The following MCM8 variants were observed in gnomAD, a reference collection of about 807,000 sequenced individuals.
MCM8 encodes minichromosome maintenance 8 homologous recombination repair factor, also known as DNA helicase MCM8.
In MCM8, 85 loss-of-function variants were observed where a neutral mutation model predicts 98.9. The observed-to-expected ratio is 0.86, with a 90% CI of 0.72 to 1.03. The LOEUF is 1.03. MCM8 is among the 50% of genes least tolerant of loss of function. MCM8 has a pLI of 0.00. For synonymous variants in MCM8, 352 were observed against 338.6 expected (o/e 1.04, Z -0.44); for missense variants, 951 against 997.8 (o/e 0.95, Z 0.63).
chr20:5,975,771 C>T (rs553929505), intron 12 of MCM8, among the ~76,000 whole-genome samples: 1 of 151,256 alleles, frequency 6.6e-6, no homozygotes, highest in African/African-American at 2.4e-5. Flanking sequence ...GCTGGGATTA[C>T]AGGCATGAGC....
rs58487183 is a variant in MCM8, at chr20:5,955,229, G to A, written c.464G>A (p.Cys155Tyr). The change falls in exon 5 of 19, where the codon TGC (cysteine) becomes TAC (tyrosine). Residue 155 changes from cysteine to tyrosine, a missense_variant. Physicochemically the swap from Cys to Tyr is radical, Grantham distance 194 (BLOSUM62 -2). Coordinates refer to ENST00000610722, the MANE Select transcript of MCM8 (RefSeq NM_032485.6). The part of the protein sequence containing the change: ...LRDAPEKTLA[C>Y]MGLAIHQVLT... ...GATGCACCTGAGAAAACCTTGGCTT[G>A]CATGGGTTTGGCAATACATCAGGTA... is the stretch of plus-strand genomic sequence containing the variant. 5,047 of 1,612,980 alleles carry A rather than the reference G, an allele frequency of 3.1e-3. 69 individuals carry two copies. The African/African-American group carries it at 0.034, about 11-fold the overall frequency.
intron 10 of MCM8, among the ~76,000 whole-genome samples, chr20:5,969,363 G>A (rs1306039350): frequency 1.3e-5 from 2 of 152,054 alleles, no homozygotes; most frequent in African/African-American, 2.4e-5. Flanking sequence ...AGGCCGAGGC[G>A]GGTGGATCAC....
intron 3 of MCM8, 37 bp from the exon 4 acceptor site, chr20:5,954,571 G>A (rs748533107): frequency 7.5e-6 from 9 of 1,192,270 alleles, no homozygotes; most frequent in Admixed American, 3.4e-5. Context: ...ATGTACCTGT[G>A]TGATTATTTG....
In MCM8 at chr20:5,986,147, T is replaced by A; in HGVS notation, c.2163+16T>A. On this transcript the variant is annotated intron_variant, in intron 16 of 18. Transcript: ENST00000610722. ...TCTGACAGAGGTTTGTTTCTTTTTA[T>A]GGTCATGCTTTTTTTGGCTTAAAGG... 1 of 1,613,040 alleles carries A rather than the reference T, an allele frequency of 6.2e-7. No individual in the cohort carries two copies. The highest frequency in any genetic ancestry group is 8.5e-7 in the Non-Finnish European group (1 of 1,179,186).
chr20:5,990,776 A>T lies in MCM8; in HGVS notation c.2241-2730A>T, dbSNP rs182478649. On this transcript the variant is annotated intron_variant, in intron 17 of 18. Transcript: ENST00000610722. Reference sequence around the variant, plus strand: ...TTTTAATTTTAACTTTTTTTCCTATAAAAAAAACAAAGACCAAAAATAGGC... The same window carrying T: ...TTTTAATTTTAACTTTTTTTCCTATTAAAAAAACAAAGACCAAAAATAGGC... Among the ~76,000 whole-genome samples, 236 of 152,090 alleles carry T rather than the reference A, an allele frequency of 1.6e-3. 2 individuals are homozygous for T. The highest frequency in any genetic ancestry group is 5.5e-3 in the African/African-American group (227 of 41,482).
At position 5,952,168 on chromosome 20, in the gene MCM8, G is replaced by T; in HGVS notation, c.148+5G>T. Reference sequence around the variant, plus strand: ...CCACAGGAAAACGTACTTCTGGTAGGTGAGGTCAATGATTGTTCAATTTTT... The same window carrying T: ...CCACAGGAAAACGTACTTCTGGTAGTTGAGGTCAATGATTGTTCAATTTTT... On this transcript the variant is annotated splice_donor_5th_base_variant and intron_variant, in intron 2 of 18. Coordinates refer to ENST00000610722, the MANE Select transcript of MCM8 (RefSeq NM_032485.6). 1.2e-6 allele frequency: 2 copies of T among 1,612,862 alleles called. No individual in the cohort carries two copies. The highest frequency in any genetic ancestry group is 1.7e-6 in the Non-Finnish European group (2 of 1,179,820).
chr20:5,998,889 C>T lies in MCM8; in HGVS notation c.*4498C>T, dbSNP rs1173151783. The T allele has an allele frequency of 2.0e-5, 3 of 152,096 alleles. No homozygotes were observed. Among genetic ancestry groups the T allele is most frequent in the East Asian group, 1.9e-4 (1 of 5,186 alleles). The allele number at this position is 152,096 out of a possible 1,614,324, so 9.4% of individuals were successfully genotyped here. A position where few individuals can be genotyped will look rare whatever the true frequency, so the allele number is the denominator to read the frequency against. Reference sequence around the variant, plus strand: ...GGCTTGGGAATGGAAAGGCAGAGTGCACCTATTGAATTCCATCATCAGTTT... The same window carrying T: ...GGCTTGGGAATGGAAAGGCAGAGTGTACCTATTGAATTCCATCATCAGTTT... On this transcript the variant is annotated 3_prime_UTR_variant, in exon 19 of 19. Coordinates refer to ENST00000610722, the MANE Select transcript of MCM8 (RefSeq NM_032485.6).
intron 7 of MCM8, 109 bp from the exon 8 acceptor site, chr20:5,963,165 T>C: frequency 1.2e-6 from 1 of 815,180 alleles, no homozygotes; most frequent in Non-Finnish European, 2.0e-6. Flanking sequence ...ACTAGCATCC[T>C]GAGACCAACT....
intron 13 of MCM8, among the ~76,000 whole-genome samples, chr20:5,982,266 C>T (rs1177562501): frequency 6.6e-6 from 1 of 152,166 alleles, no homozygotes; most frequent in African/African-American, 2.4e-5. Context: ...TTTCCATATA[C>T]TCCTCTGTGC....
intron 7 of MCM8, among the ~76,000 whole-genome samples, chr20:5,959,246 A>G (rs1330570027): frequency 6.6e-6 from 1 of 152,242 alleles, no homozygotes; most frequent in Non-Finnish European, 1.5e-5. Flanking sequence ...GGCAAATATT[A>G]ATATTATTTT....
chr20:5,969,177 A>T (rs893318715), intron 10 of MCM8, among the ~76,000 whole-genome samples: 1 of 152,202 alleles, frequency 6.6e-6, no homozygotes, highest in African/African-American at 2.4e-5. Flanking sequence ...GTTACTTTTG[A>T]TAATTTTTTG....
At chr20:5,958,884 A>G (rs2089060034) in intron 7 of MCM8, among the ~76,000 whole-genome samples, 158 bp downstream of exon 7, 3 of 152,226 alleles carry the variant, frequency 2.0e-5, no homozygotes, top group Admixed American at 2.0e-4. Context: ...GGTAAGAAAA[A>G]TACAGAAATA....
chr20:5,952,582 C>G (rs1299509086), intron 3 of MCM8, 54 bp downstream of exon 3: 1 of 1,399,100 alleles, frequency 7.1e-7, no homozygotes, highest in African/African-American at 1.4e-5. Flanking sequence ...CTTAACTTGT[C>G]TTTGGATGCT....
At chr20:5,984,592 T>A (rs1428779866) in intron 14 of MCM8, among the ~76,000 whole-genome samples, 189 bp from the exon 15 acceptor site, 1 of 152,212 alleles carries the variant, frequency 6.6e-6, no homozygotes, top group African/African-American at 2.4e-5. Context: ...TAGATACATG[T>A]AATTCTTGTG....
chr20:5,980,658 G>A (rs1398957312), intron 13 of MCM8, among the ~76,000 whole-genome samples: 1 of 152,090 alleles, frequency 6.6e-6, no homozygotes, highest in Non-Finnish European at 1.5e-5. Flanking sequence ...GAGCACTTGA[G>A]ACCAGGAGTT....
intron 12 of MCM8, among the ~76,000 whole-genome samples, chr20:5,976,916 C>T (rs2089522863): frequency 6.6e-6 from 1 of 152,160 alleles, no homozygotes; most frequent in Non-Finnish European, 1.5e-5. Flanking sequence ...TGTGCCACTG[C>T]ACTCCAGCCT....
intron 16 of MCM8, 149 bp downstream of exon 16, chr20:5,986,280 G>T (rs1473370286): frequency 1.5e-6 from 1 of 687,668 alleles, no homozygotes; most frequent in Admixed American, 2.9e-5. Context: ...TTTTTTAAAA[G>T]ATTTTGTCAT....
intron 12 of MCM8, 77 bp downstream of exon 12, chr20:5,973,273 G>C: frequency 6.4e-7 from 1 of 1,573,648 alleles, no homozygotes; most frequent in Non-Finnish European, 8.7e-7. Context: ...TTTTCTCAAA[G>C]CATGTAGTGT....
chr20:5,992,596 T>A (rs944661850), intron 17 of MCM8, among the ~76,000 whole-genome samples: 1 of 152,194 alleles, frequency 6.6e-6, no homozygotes. Context: ...TTTTATCATT[T>A]TTAATAGTTT....
Sources: allele counts gnomAD v4.1 joint callset (sites outside exome capture counted in the v4.1 genomes callset), GRCh38; gene constraint gnomAD v4.1.1; transcripts MANE v1.5; gene names NCBI Gene and HGNC (gene_info 2026-07-23, HGNC 2026-07-21).